Variants in PTGR1 observed in about 807,000 individuals in gnomAD.
The protein encoded by PTGR1 is prostaglandin reductase 1.
A neutral mutation model predicts 37.7 loss-of-function variants in PTGR1; 23 were observed. That is an observed-to-expected ratio of 0.61 (90% CI 0.44 to 0.86). PTGR1 has a LOEUF of 0.86. Among genes scored for constraint, PTGR1 ranks in the 40% least tolerant of loss-of-function variants. The pLI, the probability that PTGR1 is intolerant of heterozygous loss-of-function variation, is 0.00. For missense variants in PTGR1, 351 were observed against 394.3 expected (o/e 0.89, Z 0.93); for synonymous variants, 134 against 140.0 (o/e 0.96, Z 0.30).
chr9:111,556,940 A>G (rs1828142008), intron 9 of PTGR1, among the ~76,000 whole-genome samples: 1 of 152,176 alleles, frequency 6.6e-6, no homozygotes. Flanking sequence ...GCCACAATGC[A>G]TGGTTCCATG....
At chr9:111,560,915 C>T (rs1249917258), downstream of PTGR1, among the ~76,000 whole-genome samples, 1 of 133,496 alleles carries the variant, frequency 7.5e-6, no homozygotes, top group Non-Finnish European at 1.6e-5. Context: ...TGCACTCCAG[C>T]CTGGGCAACA....
At chr9:111,554,159 A>T (rs1234920590) in intron 9 of PTGR1, among the ~76,000 whole-genome samples, 1 of 152,200 alleles carries the variant, frequency 6.6e-6, no homozygotes, top group African/African-American at 2.4e-5. Context: ...TGACATCACA[A>T]ACTACTACTA....
intron 2 of PTGR1, among the ~76,000 whole-genome samples, chr9:111,594,549 C>CTTTTTTT (rs71373753): frequency 7.9e-6 from 1 of 127,220 alleles, no homozygotes; most frequent in Non-Finnish European, 1.6e-5. Flanking sequence ...TTTTGGCATT[C>CTTTTTTT]TTTTTTTTTT....
chr9:111,576,817 G>A (rs1221839644), intron 7 of PTGR1: 1 of 156,112 alleles, frequency 6.4e-6, no homozygotes, highest in Non-Finnish European at 1.4e-5. Flanking sequence ...TTGGCCAGGT[G>A]TGGTGGCTCA....
At chr9:111,570,541 C>T (rs1028129758) in intron 8 of PTGR1, among the ~76,000 whole-genome samples, 2 of 151,580 alleles carry the variant, frequency 1.3e-5, no homozygotes, top group African/African-American at 2.4e-5. Context: ...GAGGCCAAGG[C>T]GGGCAGATCA....
intron 4 of PTGR1, 39 bp from the exon 5 acceptor site, chr9:111,586,204 CAT>C (rs748385948): frequency 4.4e-6 from 7 of 1,592,424 alleles, no homozygotes; most frequent in Non-Finnish European, 5.2e-6. Context: ...AGGCATGTGA[CAT>C]GTCTTCCCTT....
At chr9:111,550,575 CAT>C (rs1288088283) in intron 9 of PTGR1, among the ~76,000 whole-genome samples, 1 of 152,160 alleles carries the variant, frequency 6.6e-6, no homozygotes, top group Non-Finnish European at 1.5e-5. Flanking sequence ...CAGATGGACT[CAT>C]GTGCTCCCAA....
In PTGR1 at chr9:111,594,222, C is replaced by T. The variant is rs753887089; in HGVS notation, c.152G>A (p.Arg51Lys). ...ALFLTVDPYMRVAAKRLKEGD... is the reference protein window; with the variant it reads ...ALFLTVDPYMKVAAKRLKEGD... ...TTTTGAGGGGCGAAATAAATAATAC[C>T]TCATGTAGGGATCCACGGTGAGGAA... is the stretch of plus-strand genomic sequence containing the variant. The change falls in exon 3 of 10, where the codon AGA becomes AAA. Residue 51 changes from arginine (R) to lysine (K), a missense_variant and splice_region_variant. Transcript: ENST00000407693. 3 of 1,612,288 alleles carry T rather than the reference C, an allele frequency of 1.9e-6. No individual in the cohort carries two copies. Among genetic ancestry groups the T allele is most frequent in the Non-Finnish European group, 2.5e-6 (3 of 1,178,456 alleles).
In PTGR1 at chr9:111,578,697, G is replaced by A. The variant is rs532417360; in HGVS notation, c.651+99C>T. The A allele has an allele frequency of 1.2e-4, 135 of 1,084,510 alleles. No individual in the cohort carries two copies. The African/African-American group carries it at 2.1e-3, about 17-fold the overall frequency. 67.2% of individuals were successfully genotyped at this position (1,084,510 alleles called of 1,614,324 possible). On this transcript the variant is annotated intron_variant, in intron 7 of 9. Transcript: ENST00000407693. ...TGCTGTGCATCCCAGTTCCTGATAG[G>A]CTATGGACCACTAACCATCCATGGC... is the stretch of plus-strand genomic sequence containing the variant.
At chr9:111,592,769 G>A in intron 4 of PTGR1, 157 bp downstream of exon 4, 2 of 1,010,426 alleles carry the variant, frequency 2.0e-6, no homozygotes, top group African/African-American at 1.6e-5. Context: ...CAGCTAGTTA[G>A]GAAGGAGACA....
At chr9:111,564,780 A>T (rs900922130) in intron 9 of PTGR1, among the ~76,000 whole-genome samples, 2 of 152,090 alleles carry the variant, frequency 1.3e-5, no homozygotes, top group Non-Finnish European at 2.9e-5. Context: ...AGTCCTAATC[A>T]CCAGTGCCTG....
intron 1 of PTGR1, 68 bp from the exon 2 acceptor site, chr9:111,597,500 AAACT>A (rs913079469): frequency 2.1e-6 from 2 of 930,798 alleles, no homozygotes; most frequent in African/African-American, 3.3e-5. Context: ...TCTAGCCGTC[AAACT>A]GAGACCAGAC....
chr9:111,550,188 C>T (rs553081181), intron 9 of PTGR1, among the ~76,000 whole-genome samples: 7 of 152,182 alleles, frequency 4.6e-5, no homozygotes, highest in East Asian at 1.9e-4. Context: ...TTTCCCTGGG[C>T]GGGAGCAATG....
chr9:111,570,467 G>T (rs1252879749), intron 8 of PTGR1, among the ~76,000 whole-genome samples: 1 of 152,096 alleles, frequency 6.6e-6, no homozygotes, highest in Non-Finnish European at 1.5e-5. Flanking sequence ...AAAGGACTTT[G>T]CAGATATGAT....
At chr9:111,581,244 T>C (rs958556888) in intron 6 of PTGR1, among the ~76,000 whole-genome samples, 2 of 152,044 alleles carry the variant, frequency 1.3e-5, no homozygotes, top group African/African-American at 4.8e-5. Flanking sequence ...AAGATGTAAT[T>C]ATGAGAGCAA....
In PTGR1 at chr9:111,593,994, G is replaced by C. The variant is rs78561031; in HGVS notation, c.152+228C>G. 0.075 allele frequency among the ~76,000 whole-genome samples: 11,228 copies of C among 149,128 alleles called. 594 individuals carry two copies. The highest frequency in any genetic ancestry group is 0.23 in the East Asian group (1,160 of 5,096). On this transcript the variant is annotated intron_variant, in intron 3 of 9. Coordinates refer to ENST00000407693, the MANE Select transcript of PTGR1 (RefSeq NM_001146108.2). ...AGCAGTGAAAGGCAAATTGTGCAGA[G>C]CAGATAGGAGATGGTTGGGACAAAG... is the stretch of plus-strand genomic sequence containing the variant.
downstream of PTGR1, among the ~76,000 whole-genome samples, chr9:111,561,818 C>T (rs999853908): frequency 7.9e-5 from 12 of 151,938 alleles, no homozygotes; most frequent in African/African-American, 1.7e-4. Flanking sequence ...TCACTGATAT[C>T]GGCAGGGAGG....
At position 111,562,970 on chromosome 9, in the gene PTGR1, C is replaced by A. The variant is rs758012374; in HGVS notation, c.*151G>T. 1.6e-5 allele frequency: 23 copies of A among 1,410,118 alleles called. No homozygotes were observed. Among genetic ancestry groups the A allele is most frequent in the Non-Finnish European group, 2.1e-5 (23 of 1,084,966 alleles). 87.4% of individuals were successfully genotyped at this position (1,410,118 alleles called of 1,614,324 possible). The stretch of plus-strand genomic sequence containing the variant: ...AACTTCCATCCTCCATCACTAATTA[C>A]ATACCACTTAAATGTATTTTATTAA... On this transcript the variant is annotated 3_prime_UTR_variant, in exon 10 of 10. Coordinates refer to ENST00000407693, the MANE Select transcript of PTGR1 (RefSeq NM_001146108.2).
intron 9 of PTGR1, among the ~76,000 whole-genome samples, chr9:111,565,784 T>C (rs554097607): frequency 1.3e-5 from 2 of 152,036 alleles, no homozygotes; most frequent in Non-Finnish European, 2.9e-5. Context: ...CTCACCCTCC[T>C]AAAGTGCTGG....
Sources: allele counts gnomAD v4.1 joint callset (sites outside exome capture counted in the v4.1 genomes callset), GRCh38; gene constraint gnomAD v4.1.1; transcripts MANE v1.5; gene names NCBI Gene and HGNC (gene_info 2026-07-23, HGNC 2026-07-21).